Variants in TUSC3 observed in about 807,000 individuals in gnomAD.
TUSC3 encodes the protein tumor suppressor candidate 3.
Under a neutral mutation model 44.8 loss-of-function variants are expected in TUSC3, and 45 were observed. The observed-to-expected ratio is 1.00, with a 90% confidence interval of 0.79 to 1.29. The LOEUF (loss-of-function observed/expected upper bound fraction) is 1.29. Among genes scored for constraint, TUSC3 ranks in the 50% most tolerant of loss-of-function variants. The pLI is 0.00. For synonymous variants in TUSC3, 212 were observed against 152.9 expected (o/e 1.39, Z -2.85); for missense variants, 519 against 437.9 (o/e 1.19, Z -1.65).
chr8:15,752,678 A>T (rs1245548196), intron 9 of TUSC3, among the ~76,000 whole-genome samples: 4 of 152,092 alleles, frequency 2.6e-5, no homozygotes, highest in Admixed American at 2.6e-4. Context: ...GACTCTGCTT[A>T]CTTGTCTCTC....
intron 6 of TUSC3, among the ~76,000 whole-genome samples, chr8:15,729,525 G>T (rs182160897): frequency 6.6e-6 from 1 of 152,136 alleles, no homozygotes; most frequent in African/African-American, 2.4e-5. Context: ...CCATGGAATA[G>T]TACACAGCCA....
At chr8:15,833,170 C>T in the TUSC3 span, among the ~76,000 whole-genome samples, 3 of 152,272 alleles carry the variant, frequency 2.0e-5, no homozygotes, top group South Asian at 6.2e-4. Context: ...TACTATCTCA[C>T]ACCAGTCAGA....
At chr8:15,503,741 G>A (rs1801001494) in intron 2 of TUSC3, among the ~76,000 whole-genome samples, 1 of 152,064 alleles carries the variant, frequency 6.6e-6, no homozygotes, top group African/African-American at 2.4e-5. Context: ...AATGGCTCAT[G>A]CCTGTAATTC....
chr8:15,522,360 G>A (rs1227040235), intron 2 of TUSC3, among the ~76,000 whole-genome samples: 1 of 152,056 alleles, frequency 6.6e-6, no homozygotes, highest in Admixed American at 6.5e-5. Flanking sequence ...AGCCTCCCAG[G>A]TAGCTGGCAT....
chr8:15,841,700 G>C, the TUSC3 span, among the ~76,000 whole-genome samples: 2 of 152,124 alleles, frequency 1.3e-5, no homozygotes, highest in African/African-American at 4.8e-5. Flanking sequence ...TTTTAGTAGA[G>C]ACGGGGTTTT....
At chr8:15,653,122 G>T (rs1038115687) in intron 3 of TUSC3, among the ~76,000 whole-genome samples, 1 of 151,946 alleles carries the variant, frequency 6.6e-6, no homozygotes, top group Non-Finnish European at 1.5e-5. Flanking sequence ...ACTACTGTAA[G>T]AAACAAAATT....
At chr8:15,812,315 G>A in the TUSC3 span, among the ~76,000 whole-genome samples, 2 of 152,304 alleles carry the variant, frequency 1.3e-5, no homozygotes, top group South Asian at 4.1e-4. Context: ...TAACATTCAG[G>A]AGGTTGTCTG....
intron 1 of TUSC3, among the ~76,000 whole-genome samples, chr8:15,446,027 G>A (rs575266844): frequency 6.6e-5 from 10 of 151,078 alleles, no homozygotes; most frequent in East Asian, 5.9e-4. Context: ...GCTGCCGGGC[G>A]GAGGGGCTCC....
At chr8:15,836,639 T>C in the TUSC3 span, among the ~76,000 whole-genome samples, 1 of 152,182 alleles carries the variant, frequency 6.6e-6, no homozygotes, top group Non-Finnish European at 1.5e-5. Flanking sequence ...ACAATTCTTT[T>C]GCGTGACTTC....
rs866003600 is a variant in TUSC3, at chr8:15,429,451, G to A, written n.91+12146G>A. Among the ~76,000 whole-genome samples the A allele has an allele frequency of 6.1e-3, 908 of 149,004 alleles. 14 individuals carry two copies. The highest frequency in any genetic ancestry group is 0.022 in the African/African-American group (860 of 39,008). On this transcript the variant is annotated intron_variant and non_coding_transcript_variant, in intron 1 of 5. Coordinates refer to the TUSC3 transcript ENST00000503191. ...TGGCTTAGGATTGACTTGGCAATGC[G>A]GGCTCTTTTTTGGTTCCATATGAAC...
chr8:15,426,163 A>G (rs1263220512), intron 1 of TUSC3, among the ~76,000 whole-genome samples: 1 of 152,244 alleles, frequency 6.6e-6, no homozygotes, highest in East Asian at 1.9e-4. Context: ...AACATTTGTT[A>G]TCCCATCATC....
chr8:15,579,223 C>G (rs1803230754), intron 1 of TUSC3, among the ~76,000 whole-genome samples: 1 of 143,548 alleles, frequency 7.0e-6, no homozygotes, highest in African/African-American at 2.5e-5. Context: ...CTTTATTAGT[C>G]TTGCTAGTGG....
intron 1 of TUSC3, among the ~76,000 whole-genome samples, chr8:15,475,720 T>G (rs1436905689): frequency 3.3e-5 from 5 of 152,186 alleles, no homozygotes; most frequent in African/African-American, 1.2e-4. Context: ...TGTTGTTGTC[T>G]TAGTTTAAAT....
chr8:15,658,019 A>G (rs973392730), intron 3 of TUSC3, among the ~76,000 whole-genome samples: 1 of 152,142 alleles, frequency 6.6e-6, no homozygotes, highest in Non-Finnish European at 1.5e-5. Context: ...CATCCCACCC[A>G]TGAGAGTGGA....
intron 1 of TUSC3, among the ~76,000 whole-genome samples, chr8:15,431,608 G>A (rs555689219): frequency 6.6e-6 from 1 of 151,728 alleles, no homozygotes; most frequent in East Asian, 2.0e-4. Flanking sequence ...ATAGGATTAT[G>A]TCTTGTACAA....
chr8:15,449,691 G>C (rs548987618), intron 1 of TUSC3, among the ~76,000 whole-genome samples: 1 of 152,222 alleles, frequency 6.6e-6, no homozygotes, highest in Admixed American at 6.5e-5. Context: ...CCCTTTGATC[G>C]CAAGGAGTCC....
chr8:15,813,466 C>G, the TUSC3 span, among the ~76,000 whole-genome samples: 1 of 149,720 alleles, frequency 6.7e-6, no homozygotes, highest in Non-Finnish European at 1.5e-5. Flanking sequence ...CCTGTAAGTT[C>G]TGATACTGGT....
At chr8:15,826,415 C>T in the TUSC3 span, among the ~76,000 whole-genome samples, 498 of 152,154 alleles carry the variant, frequency 3.3e-3, 1 homozygote, top group Middle Eastern at 0.014. Context: ...ATGTTCTTTG[C>T]GGAACACATA....
At chr8:15,621,525 TA>T (rs1805244247) in intron 1 of TUSC3, among the ~76,000 whole-genome samples, 1 of 147,854 alleles carries the variant, frequency 6.8e-6, no homozygotes, top group South Asian at 2.1e-4. Flanking sequence ...GTAAAATATA[TA>T]TATATATATA....
Sources: gnomAD v4.1 joint callset for allele counts (sites outside exome capture counted in the v4.1 genomes callset) on GRCh38, gnomAD v4.1.1 for gene constraint, MANE v1.5 for transcripts, NCBI Gene and HGNC (gene_info 2026-07-23, HGNC 2026-07-21) for gene names.